The following MRTFB variants were observed in gnomAD, a reference collection of about 807,000 sequenced individuals.
MRTFB encodes myocardin related transcription factor B, also known as myocardin-related transcription factor B.
A neutral mutation model predicts 104.2 loss-of-function variants in MRTFB; 29 were observed. That is an observed-to-expected ratio of 0.28 (90% CI 0.21 to 0.38). The LOEUF (loss-of-function observed/expected upper bound fraction) is 0.38, where lower values mean the gene tolerates loss of function less well. Among genes scored for constraint, MRTFB ranks in the 10% least tolerant of loss-of-function variants. MRTFB has a pLI of 1.00. For missense variants in MRTFB, 1,270 were observed against 1,341.6 expected (o/e 0.95, Z 0.83); for synonymous variants, 535 against 519.5 (o/e 1.03, Z -0.41).
intron 2 of MRTFB, among the ~76,000 whole-genome samples, chr16:14,125,727 C>T (rs1237136975): frequency 1.3e-5 from 2 of 152,100 alleles, no homozygotes; most frequent in East Asian, 1.9e-4. Flanking sequence ...TTGTACTTTA[C>T]GTCTGTCTGA....
intron 8 of MRTFB, among the ~76,000 whole-genome samples, chr16:14,227,628 C>T (rs1245522921): frequency 2.0e-5 from 3 of 152,170 alleles, no homozygotes; most frequent in Admixed American, 1.3e-4. Flanking sequence ...TCTCCTGCCT[C>T]AGCTTCCTGA....
intron 2 of MRTFB, among the ~76,000 whole-genome samples, chr16:14,097,146 G>A (rs1346673115): frequency 6.6e-6 from 1 of 152,196 alleles, no homozygotes; most frequent in African/African-American, 2.4e-5. Context: ...GATGCAGAGT[G>A]GCCTTGCAGT....
chr16:14,097,429 T>C (rs1308227639), intron 2 of MRTFB, among the ~76,000 whole-genome samples: 2 of 152,198 alleles, frequency 1.3e-5, no homozygotes, highest in African/African-American at 4.8e-5. Context: ...TGTGTTTATA[T>C]AGAGTAAAGG....
chr16:14,234,003 C>A (rs2042386106), intron 8 of MRTFB, 143 bp from the exon 9 acceptor site: 4 of 959,650 alleles, frequency 4.2e-6, no homozygotes, highest in Admixed American at 4.9e-5. Flanking sequence ...ATTCCACCAT[C>A]TGGCCTCAGA....
At chr16:14,047,737 C>G in the MRTFB span, among the ~76,000 whole-genome samples, 1 of 152,132 alleles carries the variant, frequency 6.6e-6, no homozygotes, top group African/African-American at 2.4e-5. Flanking sequence ...GGGAACCACC[C>G]CCATGATTCA....
chr16:14,113,224 A>G (rs1441016759), intron 2 of MRTFB, among the ~76,000 whole-genome samples: 1 of 152,042 alleles, frequency 6.6e-6, no homozygotes, highest in Non-Finnish European at 1.5e-5. Context: ...TTGTATTTTT[A>G]GTAGAGATGG....
intron 3 of MRTFB, among the ~76,000 whole-genome samples, chr16:14,161,875 G>A (rs1009019706): frequency 6.6e-6 from 1 of 152,046 alleles, no homozygotes. Context: ...GAAAAATACC[G>A]GATTTTGTCA....
chr16:14,137,553 A>C (rs572754813), intron 2 of MRTFB, among the ~76,000 whole-genome samples: 37 of 152,286 alleles, frequency 2.4e-4, no homozygotes, highest in Non-Finnish European at 3.4e-4. Flanking sequence ...TGATGTGAAC[A>C]GATTTTATTT....
intron 7 of MRTFB, among the ~76,000 whole-genome samples, chr16:14,217,506 T>G (rs2041479102): frequency 6.6e-6 from 1 of 152,238 alleles, no homozygotes; most frequent in Non-Finnish European, 1.5e-5. Context: ...TGAGTTTTAA[T>G]TCTTAACATT....
chr16:14,151,769 C>T (rs1417782467), intron 3 of MRTFB: 1 of 152,126 alleles, frequency 6.6e-6, no homozygotes, highest in Non-Finnish European at 1.5e-5. Context: ...TCCTAGCATT[C>T]TCTGGGCATC....
chr16:14,052,196 G>C, the MRTFB span, among the ~76,000 whole-genome samples: 1 of 152,142 alleles, frequency 6.6e-6, no homozygotes, highest in Non-Finnish European at 1.5e-5. Flanking sequence ...TTGTTGGGAG[G>C]ATTACATGAA....
the MRTFB span, among the ~76,000 whole-genome samples, chr16:14,049,422 T>C: frequency 6.6e-6 from 1 of 152,236 alleles, no homozygotes; most frequent in Non-Finnish European, 1.5e-5. Flanking sequence ...GTTACTAGTC[T>C]GAGGCTCTGA....
At chr16:14,182,461 G>A (rs967689071) in intron 3 of MRTFB, among the ~76,000 whole-genome samples, 2 of 152,102 alleles carry the variant, frequency 1.3e-5, no homozygotes, top group African/African-American at 4.8e-5. Context: ...TGAACTCATG[G>A]TTTTCAATAC....
At chr16:14,170,591 T>C (rs2039391882) in intron 3 of MRTFB, 1 of 152,200 alleles carries the variant, frequency 6.6e-6, no homozygotes, top group South Asian at 2.1e-4. Context: ...ATGCCTAGAA[T>C]TTACTGCTAT....
chr16:14,095,400 C>T (rs948486575), intron 2 of MRTFB, among the ~76,000 whole-genome samples: 2 of 152,142 alleles, frequency 1.3e-5, no homozygotes, highest in African/African-American at 4.8e-5. Context: ...GTTACTTAAG[C>T]TTGTTAACAC....
chr16:14,111,030 C>G (rs1438171388), intron 2 of MRTFB, among the ~76,000 whole-genome samples: 4 of 152,210 alleles, frequency 2.6e-5, no homozygotes, highest in Admixed American at 6.5e-5. Flanking sequence ...TTCTAACACA[C>G]CCTGCAGTGT....
the MRTFB span, among the ~76,000 whole-genome samples, chr16:14,002,020 A>G: frequency 1.3e-5 from 2 of 152,372 alleles, no homozygotes; most frequent in African/African-American, 4.8e-5. Context: ...AAGCAATACT[A>G]TGATTAAAAG....
At chr16:14,161,085 C>CTT (rs57360069) in intron 3 of MRTFB, among the ~76,000 whole-genome samples, 735 of 53,120 alleles carry the variant, frequency 0.014, 215 homozygotes, top group African/African-American at 0.065. Flanking sequence ...AATGCCAGGA[C>CTT]TTTTTTTTTT....
chr16:14,046,921 T>C, the MRTFB span, among the ~76,000 whole-genome samples: 1 of 152,230 alleles, frequency 6.6e-6, no homozygotes, highest in South Asian at 2.1e-4. Context: ...ATTTAATCCT[T>C]ACAATCTGTC....
Sources: gnomAD v4.1 joint callset for allele counts (sites outside exome capture counted in the v4.1 genomes callset) on GRCh38, gnomAD v4.1.1 for gene constraint, MANE v1.5 for transcripts, NCBI Gene and HGNC (gene_info 2026-07-23, HGNC 2026-07-21) for gene names.